The following DDR2 variants were observed in gnomAD, a reference collection of about 807,000 sequenced individuals.
DDR2 encodes the protein discoidin domain receptor tyrosine kinase 2, also known as discoidin domain-containing receptor 2.
Under a neutral mutation model 94.9 loss-of-function variants are expected in DDR2, and 27 were observed. The ratio of observed to expected loss-of-function variants is 0.28; its 90% CI spans 0.21 to 0.39. DDR2 has a LOEUF of 0.39. Among genes scored for constraint, DDR2 ranks in the 10% least tolerant of loss-of-function variants. The pLI is 1.00. For synonymous variants in DDR2, 382 were observed against 377.2 expected, an observed-to-expected ratio of 1.01 and a Z score of -0.15; for missense variants, 783 against 1,076.0, an observed-to-expected ratio of 0.73 and a Z score of 3.81.
At chr1:162,656,726 A>C (rs976838758) in intron 2 of DDR2, among the ~76,000 whole-genome samples, 2 of 151,572 alleles carry the variant, frequency 1.3e-5, no homozygotes, top group African/African-American at 4.8e-5. Flanking sequence ...AAATTATTAC[A>C]GGGTTTCTCT....
chr1:162,749,813 C>T (rs1663086217), intron 3 of DDR2, among the ~76,000 whole-genome samples: 1 of 152,200 alleles, frequency 6.6e-6, no homozygotes, highest in Non-Finnish European at 1.5e-5. Flanking sequence ...TTATCCACCA[C>T]AATCAAGTTG....
At chr1:162,686,387 G>A (rs566745827) in intron 2 of DDR2, among the ~76,000 whole-genome samples, 2 of 152,090 alleles carry the variant, frequency 1.3e-5, no homozygotes, top group South Asian at 2.1e-4. Context: ...CCCGTGACAG[G>A]CCCTGGTGTG....
chr1:162,754,551 C>T (rs1480777278), intron 4 of DDR2, 73 bp from the exon 5 acceptor site: 3 of 1,477,350 alleles, frequency 2.0e-6, no homozygotes, highest in Non-Finnish European at 2.8e-6. Context: ...AGGGCAGCTG[C>T]TTGCCTGTGA....
intron 3 of DDR2, among the ~76,000 whole-genome samples, chr1:162,739,775 C>G (rs1317059750): frequency 6.6e-6 from 1 of 152,088 alleles, no homozygotes; most frequent in Non-Finnish European, 1.5e-5. Flanking sequence ...TGCACTATTC[C>G]TGGCAATGGA....
intron 3 of DDR2, among the ~76,000 whole-genome samples, chr1:162,749,253 C>T (rs541425443): frequency 5.6e-4 from 85 of 152,016 alleles, no homozygotes; most frequent in Non-Finnish European, 9.9e-4. Context: ...ATTGATAGAC[C>T]GCTAGCAAGA....
rs542584476 is a variant in DDR2, at chr1:162,755,231, C to A, written c.493C>A (p.Arg165=). ...LEPPIVARFV[R]FIPVTDHSMN... Reference sequence around the variant, plus strand: ...GCCGCCCATTGTAGCCAGATTTGTCCGGTTCATTCCAGTCACCGACCACTC... The same window carrying A: ...GCCGCCCATTGTAGCCAGATTTGTCAGGTTCATTCCAGTCACCGACCACTC... The change falls in exon 6 of 18, where the codon CGG becomes AGG. Residue 165 remains arginine, a synonymous_variant. Transcript: ENST00000367921. The A allele has an allele frequency of 1.2e-6, 2 of 1,614,002 alleles. No individual in the cohort carries two copies. Among genetic ancestry groups the A allele is most frequent in the Non-Finnish European group, 1.7e-6 (2 of 1,179,990 alleles).
At chr1:162,693,701 G>T (rs1302252022) in intron 2 of DDR2, among the ~76,000 whole-genome samples, 1 of 152,152 alleles carries the variant, frequency 6.6e-6, no homozygotes, top group East Asian at 1.9e-4. Flanking sequence ...TTTTATATGG[G>T]GTGGTCGAAG....
At chr1:162,726,475 CT>C (rs1051647533) in intron 3 of DDR2, among the ~76,000 whole-genome samples, 2 of 152,116 alleles carry the variant, frequency 1.3e-5, no homozygotes, top group Non-Finnish European at 2.9e-5. Context: ...TGCCTTCACC[CT>C]GTTGTTTTGC....
chr1:162,689,180 A>G (rs902909425), intron 2 of DDR2, among the ~76,000 whole-genome samples: 2 of 152,172 alleles, frequency 1.3e-5, no homozygotes, highest in Non-Finnish European at 2.9e-5. Flanking sequence ...AGGATAGCCA[A>G]TGGCGAGACA....
chr1:162,694,432 G>A (rs1374958470), intron 2 of DDR2, among the ~76,000 whole-genome samples: 3 of 152,150 alleles, frequency 2.0e-5, no homozygotes, highest in Non-Finnish European at 2.9e-5. Flanking sequence ...TACCTGTGGA[G>A]TTCTTTCCCC....
chr1:162,778,094 A>G (rs779382208), intron 16 of DDR2: 38 of 211,966 alleles, frequency 1.8e-4, no homozygotes, highest in Non-Finnish European at 3.3e-4. Context: ...AAATGTGAGT[A>G]GTCAATGCAT....
At chr1:162,693,439 A>G (rs1342542097) in intron 2 of DDR2, among the ~76,000 whole-genome samples, 1 of 152,136 alleles carries the variant, frequency 6.6e-6, no homozygotes, top group Non-Finnish European at 1.5e-5. Flanking sequence ...TATCTTTATG[A>G]GTTTATTCAT....
At chr1:162,631,456 G>A (rs886485529), upstream of DDR2, 1 of 152,082 alleles carries the variant, frequency 6.6e-6, no homozygotes, top group South Asian at 2.1e-4. Flanking sequence ...AGGTAAGCTC[G>A]GTCTTCTTGA....
chr1:162,744,889 A>G (rs1194601488), intron 3 of DDR2, among the ~76,000 whole-genome samples: 1 of 152,158 alleles, frequency 6.6e-6, no homozygotes, highest in Non-Finnish European at 1.5e-5. Flanking sequence ...GCTGGAGCAT[A>G]TGGTAGTCCT....
At chr1:162,672,284 G>A (rs1164511862) in intron 2 of DDR2, among the ~76,000 whole-genome samples, 3 of 152,116 alleles carry the variant, frequency 2.0e-5, no homozygotes, top group Non-Finnish European at 4.4e-5. Context: ...GAGTCAACAT[G>A]TAAGTAGTGC....
At chr1:162,689,757 A>C (rs1003044518) in intron 2 of DDR2, among the ~76,000 whole-genome samples, 4 of 148,396 alleles carry the variant, frequency 2.7e-5, no homozygotes, top group African/African-American at 1.0e-4. Flanking sequence ...TAATCCCAGC[A>C]CTTTGGGAGG....
chr1:162,679,442 A>C (rs907168339), intron 2 of DDR2, among the ~76,000 whole-genome samples: 2 of 152,156 alleles, frequency 1.3e-5, no homozygotes, highest in South Asian at 4.1e-4. Context: ...GACAGTATGG[A>C]GCCTCCAGCT....
chr1:162,644,794 CT>C (rs1459977885), intron 1 of DDR2, among the ~76,000 whole-genome samples: 2 of 152,104 alleles, frequency 1.3e-5, no homozygotes, highest in Non-Finnish European at 2.9e-5. Flanking sequence ...GGGGGTTTCA[CT>C]CTGTTGGCCA....
chr1:162,666,017 C>G (rs1361060188), intron 2 of DDR2, among the ~76,000 whole-genome samples: 1 of 151,828 alleles, frequency 6.6e-6, no homozygotes, highest in East Asian at 1.9e-4. Context: ...TTTTTCTTTT[C>G]ACCACCCATA....
Sources: gnomAD v4.1 joint callset for allele counts (sites outside exome capture counted in the v4.1 genomes callset) on GRCh38, gnomAD v4.1.1 for gene constraint, MANE v1.5 for transcripts, NCBI Gene and HGNC (gene_info 2026-07-23, HGNC 2026-07-21) for gene names.